The following BOD1L1 variants were observed in gnomAD, a reference collection of about 807,000 sequenced individuals.
BOD1L1 encodes the protein biorientation of chromosomes in cell division protein 1-like 1.
Under a neutral mutation model 240.7 loss-of-function variants are expected in BOD1L1, and 86 were observed. That is an observed-to-expected ratio of 0.36 (90% confidence interval 0.30 to 0.43). BOD1L1 has a LOEUF of 0.43. Among genes scored for constraint, BOD1L1 ranks in the 20% least tolerant of loss-of-function variants. The pLI, the probability that BOD1L1 is intolerant of heterozygous loss-of-function variation, is 1.00. For synonymous variants in BOD1L1, 1,268 were observed against 1,272.3 expected (o/e 1.00, Z 0.07); for missense variants, 3,554 against 3,643.5 (o/e 0.98, Z 0.63).
chr4:13,604,795 T>A lies in BOD1L1; in HGVS notation c.2105A>T (p.His702Leu). 1 of 1,613,380 alleles carries A rather than the reference T, an allele frequency of 6.2e-7. No individual in the cohort carries two copies. Among genetic ancestry groups the A allele is most frequent in the African/African-American group, 1.3e-5 (1 of 75,012 alleles). The change falls in exon 10 of 26, where the codon CAT becomes CTT. Residue 702 changes from histidine (H) to leucine (L), a missense_variant. Around this residue, in one of 2 missense-constraint regions of BOD1L1, gnomAD observed 3,393 missense variants for 3,427.1 expected, o/e 0.99. Coordinates refer to ENST00000040738, the MANE Select transcript of BOD1L1 (RefSeq NM_148894.3). ...TGTTTCAGAATCATCTTTCTTTAGA[T>A]GCTTTTCGTTTTTAAGTGTGCTTTT... Reference protein sequence around the residue: ...KQKSTLKNEKHLKKDDSETPH... With the variant: ...KQKSTLKNEKLLKKDDSETPH...
At position 13,600,823 on chromosome 4, in the gene BOD1L1, G is replaced by A; in HGVS notation, c.6077C>T (p.Pro2026Leu). 1 of 1,613,590 alleles carries A rather than the reference G, an allele frequency of 6.2e-7. No homozygotes were observed. The highest frequency in any genetic ancestry group is 8.5e-7 in the Non-Finnish European group (1 of 1,179,748). Residue 2026 changes from proline (P) to leucine (L), a missense_variant, in exon 10 of 26, where the codon CCA (proline) becomes CTA (leucine). By Grantham distance (98) the Pro-to-Leu change is moderately conservative (BLOSUM62 -3). Around this residue, in one of 2 missense-constraint regions of BOD1L1, gnomAD observed 3,393 missense variants for 3,427.1 expected, o/e 0.99. Coordinates refer to ENST00000040738, the MANE Select transcript of BOD1L1 (RefSeq NM_148894.3). ...VPECEVAHTS[P>L]SEKEDEDIIT... ...GATGTCCTCATCTTCTTTTTCACTT[G>A]GTGATGTGTGAGCAACTTCACATTC...
chr4:13,600,059 C>G lies in BOD1L1; in HGVS notation c.6841G>C (p.Val2281Leu), dbSNP rs1294190454. ...TCACCCATCTCTTCCGCTGGTGTGA[C>G]TGAGGGGTCGCCTTCCTCTTGAGGG... ...AVPQEEGDPS[V>L]TPAEEMGDTA... Residue 2281 changes from valine to leucine, a missense_variant, in exon 10 of 26, where the codon GTC becomes CTC. By Grantham distance (32) the Val-to-Leu change is conservative (BLOSUM62 1). Around this residue, in one of 2 missense-constraint regions of BOD1L1, gnomAD observed 3,393 missense variants for 3,427.1 expected, o/e 0.99. Transcript: ENST00000040738. The G allele has an allele frequency of 2.1e-5, 34 of 1,612,438 alleles. No homozygotes were observed. Among genetic ancestry groups the G allele is most frequent in the Non-Finnish European group, 2.9e-5 (34 of 1,179,274 alleles).
chr4:13,610,191 T>C (rs921135229), intron 6 of BOD1L1, among the ~76,000 whole-genome samples: 1 of 152,214 alleles, frequency 6.6e-6, no homozygotes, highest in Non-Finnish European at 1.5e-5. Flanking sequence ...AATATACATA[T>C]GTAACAATAA....
chr4:13,601,674 G>A lies in BOD1L1; in HGVS notation c.5226C>T (p.Cys1742=). The change falls in exon 10 of 26, where the codon TGC becomes TGT. Residue 1742 remains cysteine, a synonymous_variant. Coordinates refer to ENST00000040738, the MANE Select transcript of BOD1L1 (RefSeq NM_148894.3). ...AEGRSDNFVI[C]SVTGAGPREE... Reference sequence around the variant, plus strand: ...CCCGGGGCCCTGCTCCAGTTACTGAGCAGATCACAAAGTTATCACTTCTGC... The same window carrying A: ...CCCGGGGCCCTGCTCCAGTTACTGAACAGATCACAAAGTTATCACTTCTGC... The A allele has an allele frequency of 2.5e-6, 4 of 1,613,956 alleles. 1 individual carries two copies. In the South Asian group the frequency reaches 4.4e-5, roughly 18 times the overall value.
chr4:13,600,513 T>A lies in BOD1L1; in HGVS notation c.6387A>T (p.Gln2129His). ...MPSAVSGDDS[Q>H]LTASRSEEKD... is the part of the protein sequence containing the mutation. ...TCTCTTCACTTCTGCTGGCAGTGAG[T>A]TGGCTGTCATCTCCTGAGACTGCAC... The change falls in exon 10 of 26, where the codon CAA becomes CAT. Residue 2129 changes from glutamine to histidine, a missense_variant. This residue lies in a region of BOD1L1 where 3,393 missense variants were observed against 3,427.1 expected (regional missense o/e 0.99). Coordinates refer to ENST00000040738, the MANE Select transcript of BOD1L1 (RefSeq NM_148894.3). The A allele has an allele frequency of 3.1e-6, 5 of 1,613,918 alleles. No homozygotes were observed. The highest frequency in any genetic ancestry group is 4.2e-6 in the Non-Finnish European group (5 of 1,179,874).
chr4:13,588,987 TTC>T (rs1295028129), intron 14 of BOD1L1, among the ~76,000 whole-genome samples, 195 bp from the exon 15 acceptor site: 1 of 152,172 alleles, frequency 6.6e-6, no homozygotes, highest in Non-Finnish European at 1.5e-5. Context: ...GTCAGTTAAA[TTC>T]TCTTTTTTCC....
In BOD1L1 at chr4:13,604,910, T is replaced by G; in HGVS notation, c.1990A>C (p.Met664Leu). ...TCAGTCTCTTCCTGTACCCCCTCCA[T>G]GATAACAGGGGTAGATGTCCGTCTT... is the stretch of plus-strand genomic sequence containing the variant. ...HKRRTSTPVI[M>L]EGVQEETDTR... is the part of the protein sequence containing the mutation. The change falls in exon 10 of 26, where the codon ATG becomes CTG. Residue 664 changes from methionine (M) to leucine (L), a missense_variant. Met to Leu is a conservative substitution (Grantham distance 15). This residue lies in a region of BOD1L1 where 3,393 missense variants were observed against 3,427.1 expected (regional missense o/e 0.99). Transcript: ENST00000040738. 1 of 1,613,530 alleles carries G rather than the reference T, an allele frequency of 6.2e-7. No homozygotes were observed. The highest frequency in any genetic ancestry group is 8.5e-7 in the Non-Finnish European group (1 of 1,179,732).
At position 13,599,191 on chromosome 4, in the gene BOD1L1, C is replaced by T; in HGVS notation, c.7709G>A (p.Cys2570Tyr). 1 of 1,613,968 alleles carries T rather than the reference C, an allele frequency of 6.2e-7. No homozygotes were observed. Among genetic ancestry groups the T allele is most frequent in the Non-Finnish European group, 8.5e-7 (1 of 1,179,880 alleles). Residue 2570 changes from cysteine to tyrosine, a missense_variant, in exon 10 of 26, where the codon TGT (cysteine) becomes TAT (tyrosine). Cys to Tyr is a radical substitution (Grantham distance 194). This residue lies in a region of BOD1L1 where 3,393 missense variants were observed against 3,427.1 expected (regional missense o/e 0.99). Transcript: ENST00000040738. ...EDNLKTSTTK[C>Y]ITGQESKIAP... ...AATTTTTGATTCTTGGCCAGTAATA[C>T]ATTTGGTGGTACTGGTTTTCAAGTT... is the stretch of plus-strand genomic sequence containing the variant.
At position 13,582,717 on chromosome 4, in the gene BOD1L1, A is replaced by C. The variant is rs765381243; in HGVS notation, c.8453T>G (p.Leu2818Trp). The change falls in exon 18 of 26, where the codon TTG becomes TGG. Residue 2818 changes from leucine to tryptophan, a missense_variant. By Grantham distance (61) the Leu-to-Trp change is moderately conservative (BLOSUM62 -2). Transcript: ENST00000040738. Reference protein sequence around the residue: ...HDTKEENSRDLEELPKTSSET... With the variant: ...HDTKEENSRDWEELPKTSSET... ...AGAACTGGTTTTAGGTAATTCTTCC[A>C]AATCTCTGGAGTTCTCTTCCTATAG... 6.2e-7 allele frequency: 1 copy of C among 1,611,326 alleles called. No homozygotes were observed. Among genetic ancestry groups the C allele is most frequent in the South Asian group, 1.1e-5 (1 of 90,992 alleles).
chr4:13,627,416 C>G lies in BOD1L1; in HGVS notation c.172G>C (p.Val58Leu). ...AGDPQLVAMI[V>L]NHLKSQGLFD... is the part of the protein sequence containing the mutation. ...AGCCCCTGGCTCTTGAGGTGGTTCACGATCATGGCCACGAGCTGCGGGTCC... is the reference window on the plus strand; with the variant it reads ...AGCCCCTGGCTCTTGAGGTGGTTCAGGATCATGGCCACGAGCTGCGGGTCC... The change falls in exon 1 of 26, where the codon GTG becomes CTG. Residue 58 changes from valine to leucine, a missense_variant. Val to Leu is a conservative substitution (Grantham distance 32). Transcript: ENST00000040738. The G allele has an allele frequency of 7.2e-7, 1 of 1,382,504 alleles. No individual in the cohort carries two copies. The highest frequency in any genetic ancestry group is 9.5e-7 in the Non-Finnish European group (1 of 1,053,704). The allele number at this position is 1,382,504 out of a possible 1,614,324, so 85.6% of individuals were successfully genotyped here.
intron 2 of BOD1L1, among the ~76,000 whole-genome samples, chr4:13,618,624 A>C (rs190859715): frequency 2.0e-5 from 3 of 152,334 alleles, no homozygotes; most frequent in Admixed American, 1.3e-4. Flanking sequence ...AAATGTAGAC[A>C]ACAAAGCTAT....
intron 12 of BOD1L1, chr4:13,593,620 CAG>C (rs1396870121): frequency 6.6e-6 from 1 of 152,112 alleles, no homozygotes; most frequent in Non-Finnish European, 1.5e-5. Context: ...GGCCCTACCT[CAG>C]GGAAGCTGAC....
At chr4:13,609,644 T>G (rs571000090) in intron 6 of BOD1L1, among the ~76,000 whole-genome samples, 2 of 152,118 alleles carry the variant, frequency 1.3e-5, no homozygotes, top group Admixed American at 1.3e-4. Context: ...ATGTGAAAAT[T>G]TGCCATTACT....
At chr4:13,592,914 C>T (rs573816736) in intron 12 of BOD1L1, 11 of 152,320 alleles carry the variant, frequency 7.2e-5, no homozygotes, top group African/African-American at 2.6e-4. Context: ...ACACTTAATG[C>T]ATACCTACTC....
At chr4:13,593,018 C>T (rs1714337543) in intron 12 of BOD1L1, 1 of 152,134 alleles carries the variant, frequency 6.6e-6, no homozygotes, top group Non-Finnish European at 1.5e-5. Flanking sequence ...AATGAGAAAT[C>T]TGAAATGCTC....
At chr4:13,573,469 TA>T (rs1712404421) in intron 25 of BOD1L1, among the ~76,000 whole-genome samples, 2 of 108,634 alleles carry the variant, frequency 1.8e-5, no homozygotes, top group African/African-American at 6.4e-5. Context: ...TCTATCTATC[TA>T]TCTTTCTTTC....
intron 17 of BOD1L1, 108 bp downstream of exon 17, chr4:13,586,288 A>G: frequency 1.9e-6 from 1 of 528,742 alleles, no homozygotes; most frequent in Non-Finnish European, 3.3e-6. Context: ...AGAGACATTT[A>G]AAGAGGGATA....
chr4:13,608,327 C>T (rs1010100561), intron 8 of BOD1L1, among the ~76,000 whole-genome samples: 24 of 152,028 alleles, frequency 1.6e-4, no homozygotes, highest in African/African-American at 2.9e-4. Context: ...AGATCTGGGA[C>T]GCCCAAAAAG....
At position 13,597,093 on chromosome 4, in the gene BOD1L1, A is replaced by AT; in HGVS notation, c.8019+10dup. ...ACTTACAGTTCAGCACAGCTGAATT[A>AT]TAAGCCATACCTCCATTTTCAAGTT... is the stretch of plus-strand genomic sequence containing the variant. On this transcript the variant is annotated intron_variant, in intron 11 of 25. Coordinates refer to ENST00000040738, the MANE Select transcript of BOD1L1 (RefSeq NM_148894.3). 1 of 1,577,350 alleles carries AT rather than the reference A, an allele frequency of 6.3e-7. No individual in the cohort carries two copies.
Sources: gnomAD v4.1 joint callset for allele counts (sites outside exome capture counted in the v4.1 genomes callset) on GRCh38, gnomAD v4.1.1 for gene constraint, gnomAD v4.1.1 regional missense constraint, MANE v1.5 for transcripts, NCBI Gene and HGNC (gene_info 2026-07-23, HGNC 2026-07-21) for gene names.